Variants in SH3RF3 observed in about 807,000 individuals in gnomAD.
SH3RF3 encodes E3 ubiquitin-protein ligase SH3RF3.
Under a neutral mutation model 66.3 loss-of-function variants are expected in SH3RF3, and 29 were observed. The ratio of observed to expected loss-of-function variants is 0.44; its 90% CI spans 0.33 to 0.60. The LOEUF (loss-of-function observed/expected upper bound fraction) is 0.60. Ranked by LOEUF, SH3RF3 falls within the 20% of genes least tolerant of loss-of-function variation. The pLI, the probability that SH3RF3 is intolerant of heterozygous loss-of-function variation, is 0.04. For missense variants in SH3RF3, 1,194 were observed against 1,190.9 expected, an observed-to-expected ratio of 1.00 and a Z score of -0.04; for synonymous variants, 583 against 532.0, an observed-to-expected ratio of 1.10 and a Z score of -1.32.
chr2:109,244,011 C>T (rs1236540948), intron 1 of SH3RF3, among the ~76,000 whole-genome samples: 2 of 152,166 alleles, frequency 1.3e-5, no homozygotes, highest in Non-Finnish European at 2.9e-5. Context: ...AAGTTTTTGC[C>T]ATCAGCAGTG....
At chr2:109,384,257 GC>G (rs112111998) in intron 3 of SH3RF3, among the ~76,000 whole-genome samples, 3,309 of 152,298 alleles carry the variant, frequency 0.022, 84 homozygotes, top group African/African-American at 0.059. Flanking sequence ...GACCACATCT[GC>G]CAGGGAGGAC....
chr2:109,227,823 T>G (rs182522179), intron 1 of SH3RF3, among the ~76,000 whole-genome samples: 1 of 152,342 alleles, frequency 6.6e-6, no homozygotes, highest in East Asian at 1.9e-4. Flanking sequence ...GAATTCCCGC[T>G]CACTCTGGCA....
chr2:109,437,229 GGCTCCA>G, intron 7 of SH3RF3, 83 bp downstream of exon 7: 1 of 1,490,356 alleles, frequency 6.7e-7, no homozygotes, highest in Non-Finnish European at 9.0e-7. Context: ...CTTGGCCCAA[GGCTCCA>G]GCAGTGCATG....
chr2:109,436,508 C>G (rs976605768), intron 6 of SH3RF3, among the ~76,000 whole-genome samples: 4 of 152,224 alleles, frequency 2.6e-5, no homozygotes, highest in Non-Finnish European at 4.4e-5. Context: ...CATCCTTTCC[C>G]CAATGTGCTG....
chr2:109,434,701 G>T (rs971030895), intron 6 of SH3RF3, among the ~76,000 whole-genome samples: 1 of 152,154 alleles, frequency 6.6e-6, no homozygotes, highest in African/African-American at 2.4e-5. Flanking sequence ...TCTGCCCACG[G>T]TGTCATCCCA....
Position 109,304,101 on chromosome 2 carries a change from C to CA in SH3RF3, c.574-43561dup, listed in dbSNP as rs544740728. On this transcript the variant is annotated intron_variant, in intron 1 of 9. Transcript: ENST00000309415. ...GGGCAACAGGAGCAAAACTCCATCTCAAAAAAAAAAAAGAAAGATCTACTC... is the reference window on the plus strand; with the variant it reads ...GGGCAACAGGAGCAAAACTCCATCTCAAAAAAAAAAAAAGAAAGATCTACTC... Among the ~76,000 whole-genome samples, 325 of 128,700 alleles carry CA rather than the reference C, an allele frequency of 2.5e-3. 2 individuals carry two copies. Among genetic ancestry groups the CA allele is most frequent in the Middle Eastern group, 0.016 (4 of 254 alleles). 84.4% of individuals were successfully genotyped at this position (128,700 alleles called of 152,430 possible).
At chr2:109,491,946 G>A (rs1679141064) in intron 9 of SH3RF3, among the ~76,000 whole-genome samples, 1 of 152,074 alleles carries the variant, frequency 6.6e-6, no homozygotes, top group Admixed American at 6.5e-5. Flanking sequence ...AATGAGACGG[G>A]GTCTATCTAG....
chr2:109,333,100 G>A (rs569535274), intron 1 of SH3RF3, among the ~76,000 whole-genome samples: 13 of 152,354 alleles, frequency 8.5e-5, no homozygotes, highest in African/African-American at 2.2e-4. Flanking sequence ...GCCTCAGTGC[G>A]TTCCAGGAGA....
chr2:109,172,376 G>A (rs879762653), intron 1 of SH3RF3, among the ~76,000 whole-genome samples: 1 of 152,244 alleles, frequency 6.6e-6, no homozygotes, highest in African/African-American at 2.4e-5. Flanking sequence ...ACGGAGCTCA[G>A]CCGTCCTCTC....
intron 1 of SH3RF3, among the ~76,000 whole-genome samples, chr2:109,158,529 G>A (rs1677405638): frequency 6.6e-6 from 1 of 152,148 alleles, no homozygotes; most frequent in African/African-American, 2.4e-5. Context: ...GAGCTGGATG[G>A]TGTCATGTCC....
intron 2 of SH3RF3, among the ~76,000 whole-genome samples, chr2:109,351,242 G>A (rs184490192): frequency 3.9e-5 from 6 of 152,184 alleles, no homozygotes; most frequent in Admixed American, 6.5e-5. Flanking sequence ...CCAGTCACCC[G>A]GGAGGGGCTG....
At chr2:109,354,612 TGATATGTGAGCTGC>T (rs1339210185) in intron 2 of SH3RF3, among the ~76,000 whole-genome samples, 3 of 152,244 alleles carry the variant, frequency 2.0e-5, no homozygotes, top group Non-Finnish European at 4.4e-5. Context: ...CCCAAATGCC[TGATATGTGAGCTGC>T]GATATTTGCC....
chr2:109,395,415 C>G (rs924637858), intron 3 of SH3RF3, among the ~76,000 whole-genome samples: 2 of 152,220 alleles, frequency 1.3e-5, no homozygotes, highest in East Asian at 3.9e-4. Flanking sequence ...TGGGAGACCC[C>G]TCGGCAGCGG....
intron 1 of SH3RF3, among the ~76,000 whole-genome samples, chr2:109,193,973 G>A (rs958431828): frequency 1.3e-5 from 2 of 152,154 alleles, no homozygotes; most frequent in South Asian, 4.1e-4. Flanking sequence ...GCTCCTTCTG[G>A]GGCACCAGAG....
chr2:109,223,482 C>G (rs944812130), intron 1 of SH3RF3, among the ~76,000 whole-genome samples: 5 of 152,226 alleles, frequency 3.3e-5, no homozygotes, highest in Non-Finnish European at 7.3e-5. Context: ...CATGGCCTGC[C>G]CATGTCAGTC....
At chr2:109,196,862 G>A (rs1224976005) in intron 1 of SH3RF3, among the ~76,000 whole-genome samples, 4 of 152,216 alleles carry the variant, frequency 2.6e-5, no homozygotes, top group Admixed American at 2.0e-4. Context: ...AGACAGAGGT[G>A]GGCCTAGATG....
chr2:109,460,282 A>G (rs552976630), intron 8 of SH3RF3, among the ~76,000 whole-genome samples: 1 of 152,292 alleles, frequency 6.6e-6, no homozygotes, highest in African/African-American at 2.4e-5. Flanking sequence ...CATTCCAGGA[A>G]GGACAAAACA....
intron 8 of SH3RF3, among the ~76,000 whole-genome samples, chr2:109,467,509 G>A (rs1383736198): frequency 1.3e-5 from 2 of 152,206 alleles, no homozygotes; most frequent in Non-Finnish European, 2.9e-5. Flanking sequence ...GGACTGGGGG[G>A]CTTGGGCCCA....
At chr2:109,205,446 C>T (rs138938056) in intron 1 of SH3RF3, among the ~76,000 whole-genome samples, 2 of 152,146 alleles carry the variant, frequency 1.3e-5, no homozygotes, top group African/African-American at 4.8e-5. Flanking sequence ...GACAGGGTTT[C>T]ACCATGTTGG....
Sources: allele counts gnomAD v4.1 joint callset (sites outside exome capture counted in the v4.1 genomes callset), GRCh38; gene constraint gnomAD v4.1.1; transcripts MANE v1.5; gene names NCBI Gene and HGNC (gene_info 2026-07-23, HGNC 2026-07-21).